The following RALYL variants were observed in gnomAD, a reference collection of about 807,000 sequenced individuals.
The protein encoded by RALYL is RALY RNA binding protein like.
A neutral mutation model predicts 35.1 loss-of-function variants in RALYL; 29 were observed. That is an observed-to-expected ratio of 0.83 (90% CI 0.61 to 1.13). The LOEUF (loss-of-function observed/expected upper bound fraction) is 1.13, where lower values mean the gene tolerates loss of function less well. RALYL is among the 50% of genes most tolerant of loss of function. The pLI is 0.00. For missense variants in RALYL, 359 were observed against 360.4 expected (o/e 1.00, Z 0.03); for synonymous variants, 120 against 127.6 (o/e 0.94, Z 0.40).
At chr8:84,523,938 T>G (rs891610712) in intron 1 of RALYL, among the ~76,000 whole-genome samples, 1 of 152,086 alleles carries the variant, frequency 6.6e-6, no homozygotes, top group Non-Finnish European at 1.5e-5. Flanking sequence ...GGGTTGGTTC[T>G]AAGTCTTTGC....
At chr8:84,574,277 T>G (rs1344969398) in intron 2 of RALYL, among the ~76,000 whole-genome samples, 5 of 152,078 alleles carry the variant, frequency 3.3e-5, no homozygotes, top group Non-Finnish European at 7.4e-5. Context: ...CCGATATATT[T>G]CCAGTCCTTT....
chr8:84,372,505 A>C (rs1316010360), intron 1 of RALYL, among the ~76,000 whole-genome samples: 1 of 151,998 alleles, frequency 6.6e-6, no homozygotes. Context: ...CAGGAGGCCA[A>C]GGTTGGAGGA....
intron 8 of RALYL, among the ~76,000 whole-genome samples, chr8:84,891,744 A>G (rs1843891778): frequency 6.6e-6 from 1 of 152,210 alleles, no homozygotes; most frequent in African/African-American, 2.4e-5. Flanking sequence ...GTGATTGGCC[A>G]AGAGAAAATT....
chr8:84,403,191 T>C (rs957541900), intron 1 of RALYL, among the ~76,000 whole-genome samples: 1 of 152,086 alleles, frequency 6.6e-6, no homozygotes, highest in East Asian at 1.9e-4. Context: ...ATTTTTGCTT[T>C]TGTTGCAATT....
In RALYL at chr8:84,321,904, A is replaced by T. The variant is rs182473687; in HGVS notation, c.-24+137480A>T. Among the ~76,000 whole-genome samples, 462 of 152,208 alleles carry T rather than the reference A, an allele frequency of 3.0e-3. 2 individuals carry two copies. Among genetic ancestry groups the T allele is most frequent in the Middle Eastern group, 6.8e-3 (2 of 294 alleles). ...GATTTTAGAGAAAACAGACATAAGAACAAGGAAAATTATCAGAAATAGGAG... is the reference window on the plus strand; with the variant it reads ...GATTTTAGAGAAAACAGACATAAGATCAAGGAAAATTATCAGAAATAGGAG... On this transcript the variant is annotated intron_variant, in intron 1 of 8. Transcript: ENST00000521268.
chr8:84,344,827 A>G (rs1430042540), intron 1 of RALYL, among the ~76,000 whole-genome samples: 3 of 151,998 alleles, frequency 2.0e-5, no homozygotes, highest in Non-Finnish European at 4.4e-5. Context: ...ATTTCACTCA[A>G]CATAATGTCT....
intron 4 of RALYL, among the ~76,000 whole-genome samples, chr8:84,811,161 G>C (rs1307249992): frequency 6.6e-6 from 1 of 151,712 alleles, no homozygotes; most frequent in African/African-American, 2.4e-5. Flanking sequence ...TCCAGGATTT[G>C]TTTCAAGATT....
At chr8:84,532,301 G>C (rs2059328067) in intron 2 of RALYL, among the ~76,000 whole-genome samples, 1 of 151,992 alleles carries the variant, frequency 6.6e-6, no homozygotes. Flanking sequence ...CCCTATAGAA[G>C]TTAGTTCATC....
chr8:84,823,861 C>A (rs1016231145), intron 4 of RALYL, among the ~76,000 whole-genome samples: 1 of 151,936 alleles, frequency 6.6e-6, no homozygotes, highest in East Asian at 1.9e-4. Context: ...GAAGAGAATA[C>A]CTCAAAATAT....
Position 84,887,667 on chromosome 8 carries a change from T to C in RALYL, c.749T>C (p.Ile250Thr). The C allele has an allele frequency of 3.1e-6, 5 of 1,613,706 alleles. No individual in the cohort carries two copies. Among genetic ancestry groups the C allele is most frequent in the African/African-American group, 1.3e-5 (1 of 75,006 alleles). ...ATCCAAGAGGAATGTGTGTCAGAGA[T>C]TGCAGATCACTCTACAGAGGAGCCT... ...VLIQEECVSE[I>T]ADHSTEEPAE... is the part of the protein sequence containing the mutation. The change falls in exon 8 of 9, where the codon ATT becomes ACT. Residue 250 changes from isoleucine (I) to threonine (T), a missense_variant. Physicochemically the swap from Ile to Thr is moderately conservative, Grantham distance 89 (BLOSUM62 -1). Transcript: ENST00000521268.
intron 4 of RALYL, among the ~76,000 whole-genome samples, chr8:84,838,521 A>C (rs1832499812): frequency 6.6e-6 from 1 of 152,210 alleles, no homozygotes; most frequent in Admixed American, 6.5e-5. Flanking sequence ...CATTAAGACA[A>C]AAGCAGTCTT....
At chr8:84,553,463 CCTCTT>C (rs1390178576) in intron 2 of RALYL, among the ~76,000 whole-genome samples, 3 of 152,162 alleles carry the variant, frequency 2.0e-5, no homozygotes, top group African/African-American at 4.8e-5. Flanking sequence ...AGCCAAGACT[CCTCTT>C]CTTATTGACA....
At chr8:84,757,878 T>TA (rs1474169543) in intron 2 of RALYL, among the ~76,000 whole-genome samples, 3 of 152,108 alleles carry the variant, frequency 2.0e-5, no homozygotes, top group African/African-American at 7.2e-5. Context: ...TATGGCAAAG[T>TA]AAAAAACCTA....
At chr8:84,491,729 G>T (rs1287230252) in intron 1 of RALYL, among the ~76,000 whole-genome samples, 1 of 151,868 alleles carries the variant, frequency 6.6e-6, no homozygotes, top group African/African-American at 2.4e-5. Context: ...TGGATTTCTT[G>T]GATGTCTTAT....
At chr8:84,881,158 T>C (rs1401678979) in intron 7 of RALYL, among the ~76,000 whole-genome samples, 2 of 151,988 alleles carry the variant, frequency 1.3e-5, no homozygotes, top group Non-Finnish European at 1.5e-5. Flanking sequence ...AATATATTCA[T>C]CTAAAACATT....
rs142346715 is a variant in RALYL at position 84,197,480 on chromosome 8, G to T, written c.-24+13056G>T. On this transcript the variant is annotated intron_variant, in intron 1 of 8. Coordinates refer to ENST00000521268, the MANE Select transcript of RALYL (RefSeq NM_173848.7). Reference sequence around the variant, plus strand: ...CCTATTTACATTTTTGAGATGAATGGTGATAATAAAGATATTAACAACCAC... The same window carrying T: ...CCTATTTACATTTTTGAGATGAATGTTGATAATAAAGATATTAACAACCAC... Among the ~76,000 whole-genome samples the T allele has an allele frequency of 7.9e-4, 120 of 152,194 alleles. No individual in the cohort carries two copies. The East Asian group carries it at 0.022, about 28-fold the overall frequency.
chr8:84,784,676 TA>T (rs1160809118), intron 3 of RALYL, among the ~76,000 whole-genome samples: 1 of 152,190 alleles, frequency 6.6e-6, no homozygotes, highest in Non-Finnish European at 1.5e-5. Context: ...AATTTCCTTA[TA>T]AAACTTACAT....
At chr8:84,345,396 A>G (rs1409519306) in intron 1 of RALYL, among the ~76,000 whole-genome samples, 2 of 152,062 alleles carry the variant, frequency 1.3e-5, no homozygotes, top group Admixed American at 1.3e-4. Flanking sequence ...ATACTTCATC[A>G]TGGAAGTGAA....
At chr8:84,445,970 T>C (rs1025217015) in intron 1 of RALYL, among the ~76,000 whole-genome samples, 2 of 151,842 alleles carry the variant, frequency 1.3e-5, no homozygotes, top group Non-Finnish European at 2.9e-5. Flanking sequence ...ATTTATATAA[T>C]ATTTAAAAAT....
Sources: gnomAD v4.1 joint callset for allele counts (sites outside exome capture counted in the v4.1 genomes callset) on GRCh38, gnomAD v4.1.1 for gene constraint, MANE v1.5 for transcripts, NCBI Gene and HGNC (gene_info 2026-07-23, HGNC 2026-07-21) for gene names.